The following NWD1 variants were observed in gnomAD, a reference collection of about 807,000 sequenced individuals.
The protein encoded by NWD1 is NACHT domain- and WD repeat-containing protein 1.
Under a neutral mutation model 135.1 loss-of-function variants are expected in NWD1, and 129 were observed. The ratio of observed to expected loss-of-function variants is 0.96; its 90% CI spans 0.83 to 1.11. The LOEUF (loss-of-function observed/expected upper bound fraction) is 1.11, where lower values mean the gene tolerates loss of function less well. Ranked by LOEUF, NWD1 falls within the 50% of genes least tolerant of loss-of-function variation. NWD1 has a pLI of 0.00. For synonymous variants in NWD1, 773 were observed against 786.0 expected, an observed-to-expected ratio of 0.98 and a Z score of 0.28; for missense variants, 1,740 against 1,851.3, an observed-to-expected ratio of 0.94 and a Z score of 1.10.
At chr19:16,795,406 G>T (rs1003494893) in intron 15 of NWD1, among the ~76,000 whole-genome samples, 1 of 150,422 alleles carries the variant, frequency 6.6e-6, no homozygotes, top group Non-Finnish European at 1.5e-5. Context: ...GTTACAGTGT[G>T]CTAATTACCT....
chr19:16,802,752 G>A (rs1970640238), intron 17 of NWD1, among the ~76,000 whole-genome samples: 1 of 152,044 alleles, frequency 6.6e-6, no homozygotes, highest in Non-Finnish European at 1.5e-5. Context: ...TGTAATCCCA[G>A]CACTTTGGGA....
chr19:16,771,831 C>CTTTTT (rs529711853), intron 10 of NWD1, among the ~76,000 whole-genome samples: 1 of 133,454 alleles, frequency 7.5e-6, no homozygotes, highest in Non-Finnish European at 1.6e-5. Flanking sequence ...ATCACGAGTC[C>CTTTTT]TTTTTTTTTT....
intron 2 of NWD1, among the ~76,000 whole-genome samples, chr19:16,729,890 AAAAG>A (rs956109680): frequency 8.0e-5 from 12 of 149,952 alleles, no homozygotes; most frequent in Non-Finnish European, 1.3e-4. Flanking sequence ...AAGAGAAAAG[AAAAG>A]AAAGAGAGAG....
At chr19:16,734,620 AGGCT>A (rs1221359180) in intron 3 of NWD1, among the ~76,000 whole-genome samples, 1 of 149,028 alleles carries the variant, frequency 6.7e-6, no homozygotes, top group Non-Finnish European at 1.5e-5. Context: ...TCTGTCACCC[AGGCT>A]GGAGTGCAGG....
intron 11 of NWD1, among the ~76,000 whole-genome samples, chr19:16,775,228 T>C (rs552296282): frequency 3.7e-4 from 56 of 152,040 alleles, no homozygotes; most frequent in Non-Finnish European, 7.5e-4. Context: ...AATGCTGTGT[T>C]GAGGATTCTA....
intron 12 of NWD1, among the ~76,000 whole-genome samples, chr19:16,785,148 A>G (rs1478459927): frequency 6.6e-6 from 1 of 151,976 alleles, no homozygotes; most frequent in Non-Finnish European, 1.5e-5. Context: ...AATGTTCTGG[A>G]ACTAGATAGA....
intron 8 of NWD1, 56 bp from the exon 9 acceptor site, chr19:16,763,772 G>A (rs1023980517): frequency 4.6e-6 from 5 of 1,076,692 alleles, no homozygotes; most frequent in African/African-American, 1.5e-5. Flanking sequence ...GGGCTTGTGC[G>A]TGGAGTGAAT....
Position 16,744,555 on chromosome 19 carries a change from C to T in NWD1, c.333C>T (p.Asp111=), listed in dbSNP as rs1018021736. The T allele has an allele frequency of 3.1e-5, 47 of 1,535,554 alleles. No individual in the cohort carries two copies. The highest frequency in any genetic ancestry group is 5.5e-5 in the African/African-American group (4 of 73,112). The part of the protein sequence containing the change: ...LELVARYFQR[D]ENAFPPTYVL... ...TGGTGGCACGATACTTCCAGAGGGA[C>T]GAGAATGCGTTTCCTCCCACCTACG... The change falls in exon 5 of 19, where the codon GAC becomes GAT. Residue 111 remains aspartate, a synonymous_variant. Transcript: ENST00000524140.
In NWD1 at chr19:16,744,619, G is replaced by C. The variant is rs1968226845; in HGVS notation, c.397G>C (p.Glu133Gln). 6.5e-7 allele frequency: 1 copy of C among 1,534,868 alleles called. No homozygotes were observed. Among genetic ancestry groups the C allele is most frequent in the African/African-American group, 1.4e-5 (1 of 72,878 alleles). The change falls in exon 5 of 19, where the codon GAG becomes CAG. Residue 133 changes from glutamate to glutamine, a missense_variant. Glu to Gln is a conservative substitution (Grantham distance 29, BLOSUM62 2). Transcript: ENST00000524140. ...APGTGEACEP[E>Q]EATLTSVLRS... ...AGGTACTGGGGAGGCCTGTGAACCA[G>C]AGGAGGCCACCTTAACTTCTGTCCT...
chr19:16,786,940 A>T (rs1248990133), intron 12 of NWD1, among the ~76,000 whole-genome samples: 1 of 152,098 alleles, frequency 6.6e-6, no homozygotes, highest in East Asian at 1.9e-4. Flanking sequence ...TTTGTTTATT[A>T]AGCAGAATCT....
At chr19:16,757,729 C>G (rs1298493061) in intron 6 of NWD1, among the ~76,000 whole-genome samples, 7 of 152,144 alleles carry the variant, frequency 4.6e-5, no homozygotes, top group Non-Finnish European at 1.0e-4. Flanking sequence ...ACCAGGGGCA[C>G]ATCTCCTAGG....
chr19:16,759,163 T>C, intron 6 of NWD1, 62 bp from the exon 7 acceptor site: 1 of 1,406,756 alleles, frequency 7.1e-7, no homozygotes, highest in African/African-American at 1.4e-5. Flanking sequence ...TCTTGGATTC[T>C]GCATCCTCCA....
intron 14 of NWD1, among the ~76,000 whole-genome samples, chr19:16,793,779 GT>G (rs1970329998): frequency 6.6e-6 from 1 of 151,778 alleles, no homozygotes; most frequent in Non-Finnish European, 1.5e-5. Flanking sequence ...GTTTCACCAT[GT>G]TGGCCAGGAT....
At chr19:16,732,654 C>CAAAAAAAAAAAAAAA (rs759471981) in intron 3 of NWD1, among the ~76,000 whole-genome samples, 2 of 30,326 alleles carry the variant, frequency 6.6e-5, no homozygotes, top group African/African-American at 3.1e-4. Context: ...GACTTCATCT[C>CAAAAAAAAAAAAAAA]AAAAAAAAAA....
chr19:16,757,281 C>A (rs1156435394), intron 6 of NWD1, among the ~76,000 whole-genome samples: 1 of 152,018 alleles, frequency 6.6e-6, no homozygotes, highest in Non-Finnish European at 1.5e-5. Flanking sequence ...TGATCTGACC[C>A]CAAACATCAA....
intron 6 of NWD1, 24 bp downstream of exon 6, chr19:16,750,435 C>T (rs1568352109): frequency 1.1e-5 from 16 of 1,484,666 alleles, no homozygotes; most frequent in Non-Finnish European, 1.4e-5. Flanking sequence ...TTTTGAAACT[C>T]TTATTTATTT....
At chr19:16,726,288 T>C (rs1225902531) in intron 2 of NWD1, among the ~76,000 whole-genome samples, 1 of 151,570 alleles carries the variant, frequency 6.6e-6, no homozygotes, top group Non-Finnish European at 1.5e-5. Context: ...AAAAACTTTT[T>C]TTTGCAGAGA....
chr19:16,791,246 A>C, intron 13 of NWD1, 104 bp from the exon 14 acceptor site: 1 of 1,026,700 alleles, frequency 9.7e-7, no homozygotes, highest in Non-Finnish European at 1.4e-6. Context: ...AAAGAAAAGA[A>C]AATGCATAAA....
At chr19:16,770,745 G>T (rs1309891427) in intron 10 of NWD1, among the ~76,000 whole-genome samples, 2 of 152,102 alleles carry the variant, frequency 1.3e-5, no homozygotes, top group African/African-American at 4.8e-5. Context: ...GCCATCGAGG[G>T]TCCTGTTACT....
Sources: gnomAD v4.1 joint callset for allele counts (sites outside exome capture counted in the v4.1 genomes callset) on GRCh38, gnomAD v4.1.1 for gene constraint, MANE v1.5 for transcripts, NCBI Gene and HGNC (gene_info 2026-07-23, HGNC 2026-07-21) for gene names.